Variants in HIP1R observed in about 807,000 individuals in gnomAD.
The protein encoded by HIP1R is huntingtin interacting protein 1 related, also known as huntingtin-interacting protein 1-related protein.
A neutral mutation model predicts 144.2 loss-of-function variants in HIP1R; 135 were observed. That is an observed-to-expected ratio of 0.94 (90% confidence interval 0.81 to 1.08). The LOEUF (loss-of-function observed/expected upper bound fraction) is 1.08, where lower values mean the gene tolerates loss of function less well. Ranked by LOEUF, HIP1R falls within the 50% of genes least tolerant of loss-of-function variation. The probability of loss-of-function intolerance (pLI) is 0.00; values close to 1 mark genes in which losing one functional copy is unlikely to be tolerated. For synonymous variants in HIP1R, 698 were observed against 612.8 expected, an observed-to-expected ratio of 1.14 and a Z score of -2.05; for missense variants, 1,462 against 1,432.8, an observed-to-expected ratio of 1.02 and a Z score of -0.33.
chr12:122,857,732 T>C (rs2033633410), intron 18 of HIP1R: 1 of 269,192 alleles, frequency 3.7e-6, no homozygotes, highest in Non-Finnish European at 7.0e-6. Flanking sequence ...CTCCACATCC[T>C]TGCCAATGCT....
In HIP1R at chr12:122,858,098, C is replaced by G; in HGVS notation, c.1816-4C>G. The G allele has an allele frequency of 6.4e-7, 1 of 1,572,144 alleles. No homozygotes were observed. Among genetic ancestry groups the G allele is most frequent in the Middle Eastern group, 1.7e-4 (1 of 5,846 alleles). On this transcript the variant is annotated splice_polypyrimidine_tract_variant and splice_region_variant and intron_variant, in intron 18 of 31. Transcript: ENST00000253083. ...TAACCTGTCCTCTTCACCCCCATTG[C>G]CAGGAGTCTCAGGAGCAGGGGCTGC... is the stretch of plus-strand genomic sequence containing the variant.
Position 122,854,091 on chromosome 12 carries a change from G to A in HIP1R, c.626G>A (p.Gly209Asp). The A allele has an allele frequency of 6.2e-7, 1 of 1,613,856 alleles. No homozygotes were observed. Residue 209 changes from glycine to aspartate, a missense_variant, in exon 8 of 32, where the codon GGC becomes GAC. Gly to Asp is a moderately conservative substitution (Grantham distance 94, BLOSUM62 -1). Coordinates refer to ENST00000253083, the MANE Select transcript of HIP1R (RefSeq NM_003959.3). The part of the protein sequence containing the change: ...TAIAVSQMSS[G>D]QCRLAPLIQV... ...ATCGCCGTATCCCAGATGTCCTCAG[G>A]CCAGTGCCGCCTGGCCCCCCTCATC...
intron 1 of HIP1R, 103 bp from the exon 2 acceptor site, chr12:122,847,928 A>T: frequency 9.1e-7 from 1 of 1,094,184 alleles, no homozygotes; most frequent in Non-Finnish European, 1.3e-6. Context: ...CTGGCCTTGA[A>T]CCCAGGCAGA....
In HIP1R at chr12:122,861,119, C is replaced by T. The variant is rs2033756914; in HGVS notation, c.2891-12C>T. 3.7e-6 allele frequency: 6 copies of T among 1,613,342 alleles called. No homozygotes were observed. The highest frequency in any genetic ancestry group is 3.3e-5 in the South Asian group (3 of 91,066). On this transcript the variant is annotated splice_polypyrimidine_tract_variant and intron_variant, in intron 29 of 31. Transcript: ENST00000253083. The stretch of plus-strand genomic sequence containing the variant: ...GTGCCCAGATGTTCACCCCCTTGTC[C>T]TCCGGCCACAGACACCATGGATTTC...
chr12:122,857,629 CCT>C (rs1463868042), intron 18 of HIP1R: 2 of 328,964 alleles, frequency 6.1e-6, no homozygotes, highest in Non-Finnish European at 1.1e-5. Context: ...CTGGGTCTCA[CCT>C]CTGTTACCCT....
chr12:122,854,060 A>C lies in HIP1R; in HGVS notation c.595A>C (p.Thr199Pro). ...TTGCACAGTTTTCCGACAGCTCAAC[A>C]CGGCCATCGCCGTATCCCAGATGTC... ...LSESVFRQLNTAIAVSQMSSG... is the reference protein window; with the variant it reads ...LSESVFRQLNPAIAVSQMSSG... The change falls in exon 8 of 32, where the codon ACG becomes CCG. Residue 199 changes from threonine (T) to proline (P), a missense_variant. Physicochemically the swap from Thr to Pro is conservative, Grantham distance 38. Around this residue, in one of 2 missense-constraint regions of HIP1R, gnomAD observed 350 missense variants for 421.1 expected, o/e 0.83. Transcript: ENST00000253083. 1 of 1,613,660 alleles carries C rather than the reference A, an allele frequency of 6.2e-7. No homozygotes were observed. The highest frequency in any genetic ancestry group is 1.1e-5 in the South Asian group (1 of 91,054).
chr12:122,858,560 C>G, intron 20 of HIP1R, 125 bp downstream of exon 20: 2 of 780,062 alleles, frequency 2.6e-6, no homozygotes, highest in South Asian at 3.6e-5. Flanking sequence ...AGCAGATGCC[C>G]CCTGCCTGCT....
At chr12:122,861,250 C>T in intron 30 of HIP1R, 58 bp downstream of exon 30, 1 of 1,613,238 alleles carries the variant, frequency 6.2e-7, no homozygotes, top group Non-Finnish European at 8.5e-7. Flanking sequence ...GAAGCCTGGA[C>T]CCAGGAGAGA....
rs375994180 is a variant in HIP1R, at chr12:122,860,742, C to T, written c.2724C>T (p.His908=). Residue 908 remains histidine (H), a synonymous_variant, in exon 28 of 32, where the codon CAC becomes CAT. Transcript: ENST00000253083. ...GKYEELIVCS[H]EIAASTAQLV... is the part of the protein sequence containing the mutation. Reference sequence around the variant, plus strand: ...ATGAGGAGCTCATCGTCTGCTCCCACGAGATCGCAGCCAGCACGGCCCAGC... The same window carrying T: ...ATGAGGAGCTCATCGTCTGCTCCCATGAGATCGCAGCCAGCACGGCCCAGC... The T allele has an allele frequency of 2.7e-5, 43 of 1,613,266 alleles. No individual in the cohort carries two copies. Among genetic ancestry groups the T allele is most frequent in the Non-Finnish European group, 3.1e-5 (37 of 1,179,970 alleles).
chr12:122,861,522 C>G lies in HIP1R; in HGVS notation c.3159+8C>G, dbSNP rs1415748264. 6.2e-7 allele frequency: 1 copy of G among 1,608,028 alleles called. No individual in the cohort carries two copies. Among genetic ancestry groups the G allele is most frequent in the Non-Finnish European group, 8.5e-7 (1 of 1,177,476 alleles). On this transcript the variant is annotated splice_region_variant and intron_variant, in intron 31 of 31. Coordinates refer to ENST00000253083, the MANE Select transcript of HIP1R (RefSeq NM_003959.3). The stretch of plus-strand genomic sequence containing the variant: ...CCCAGACAGGACCACCAGGTGCCGT[C>G]TGCACTGGGATGGGGGAGTTCCTGG...
Position 122,856,695 on chromosome 12 carries a change from G to A in HIP1R, c.1589G>A (p.Arg530His), listed in dbSNP as rs780494157. 1.3e-5 allele frequency: 21 copies of A among 1,589,206 alleles called. No homozygotes were observed. Among genetic ancestry groups the A allele is most frequent in the East Asian group, 1.1e-4 (5 of 43,990 alleles). Residue 530 changes from arginine to histidine, a missense_variant, in exon 17 of 32, where the codon CGC becomes CAC. Arg to His is a conservative substitution (Grantham distance 29). Coordinates refer to ENST00000253083, the MANE Select transcript of HIP1R (RefSeq NM_003959.3). Reference protein sequence around the residue: ...ELEAKAGELARAQEALSHTEQ... With the variant: ...ELEAKAGELAHAQEALSHTEQ... ...GAGGCCAAGGCCGGAGAGCTGGCCCGCGCGCAGGAGGCCCTGAGCCACACA... is the reference window on the plus strand; with the variant it reads ...GAGGCCAAGGCCGGAGAGCTGGCCCACGCGCAGGAGGCCCTGAGCCACACA...
chr12:122,856,108 G>A lies in HIP1R; in HGVS notation c.1257G>A (p.Leu419=). Residue 419 remains leucine (L), a synonymous_variant, in exon 14 of 32, where the codon CTG becomes CTA. Coordinates refer to ENST00000253083, the MANE Select transcript of HIP1R (RefSeq NM_003959.3). The part of the protein sequence containing the change: ...NEQLRHELAQ[L]RAAQLEGERS... ...AGCTCCGCCACGAGCTGGCCCAGCTGAGGGCTGCCCAGCTGGAGGGCGAGC... is the reference window on the plus strand; with the variant it reads ...AGCTCCGCCACGAGCTGGCCCAGCTAAGGGCTGCCCAGCTGGAGGGCGAGC... 6.3e-7 allele frequency: 1 copy of A among 1,588,270 alleles called. No homozygotes were observed. Among genetic ancestry groups the A allele is most frequent in the South Asian group, 1.1e-5 (1 of 88,068 alleles).
At chr12:122,855,685 T>C in intron 12 of HIP1R, 73 bp downstream of exon 12, 1 of 1,533,194 alleles carries the variant, frequency 6.5e-7, no homozygotes, top group South Asian at 1.2e-5. Context: ...TCTGGACAGT[T>C]CTGTCTGGAA....
In HIP1R at chr12:122,856,270, A is replaced by G. The variant is rs751985754; in HGVS notation, c.1327A>G (p.Thr443Ala). Residue 443 changes from threonine to alanine, a missense_variant, in exon 15 of 32, where the codon ACG becomes GCG. Around this residue, in one of 2 missense-constraint regions of HIP1R, gnomAD observed 1,112 missense variants for 1,011.7 expected, o/e 1.10. Coordinates refer to ENST00000253083, the MANE Select transcript of HIP1R (RefSeq NM_003959.3). ...REEAERKASA[T>A]EARYNKLKEK... is the part of the protein sequence containing the mutation. ...CTCGCCCCCAGGGAAGGCCAGTGCC[A>G]CGGAGGCGCGCTACAACAAGCTGAA... 2 of 1,613,684 alleles carry G rather than the reference A, an allele frequency of 1.2e-6. No homozygotes were observed. Among genetic ancestry groups the G allele is most frequent in the African/African-American group, 2.7e-5 (2 of 74,906 alleles).
Position 122,855,980 on chromosome 12 carries a change from G to T in HIP1R, c.1129G>T (p.Ala377Ser). The change falls in exon 14 of 32, where the codon GCC becomes TCC. Residue 377 changes from alanine to serine, a missense_variant and splice_region_variant. By Grantham distance (99) the Ala-to-Ser change is moderately conservative. Around this residue, in one of 2 missense-constraint regions of HIP1R, gnomAD observed 1,112 missense variants for 1,011.7 expected, o/e 1.10. Transcript: ENST00000253083. ...CCCCACGTCACACCTCCTCCCGCAGGCCCAGCGGTACATCGCGCAGCTGAA... is the reference window on the plus strand; with the variant it reads ...CCCCACGTCACACCTCCTCCCGCAGTCCCAGCGGTACATCGCGCAGCTGAA... ...RSELEKIKLE[A>S]QRYIAQLKSQ... 1.3e-6 allele frequency: 2 copies of T among 1,584,834 alleles called. No homozygotes were observed. The highest frequency in any genetic ancestry group is 2.7e-5 in the African/African-American group (2 of 74,500).
intron 1 of HIP1R, among the ~76,000 whole-genome samples, chr12:122,835,889 G>A (rs1480149259): frequency 6.6e-6 from 1 of 150,794 alleles, no homozygotes; most frequent in Admixed American, 6.6e-5. Flanking sequence ...GCTCCCGCCG[G>A]GCGCTCGGGC....
chr12:122,835,382 C>CG (rs1197119516), upstream of HIP1R: 16 of 940,370 alleles, frequency 1.7e-5, no homozygotes, highest in East Asian at 6.3e-4. Context: ...TGGAGGTGTG[C>CG]GGGGGAGGGG....
Position 122,835,541 on chromosome 12 carries a change from C to T in HIP1R, c.-10C>T, listed in dbSNP as rs1277469313. The T allele has an allele frequency of 2.2e-6, 3 of 1,335,122 alleles. No individual in the cohort carries two copies. The highest frequency in any genetic ancestry group is 2.9e-6 in the Non-Finnish European group (3 of 1,035,312). 82.7% of individuals were successfully genotyped at this position (1,335,122 alleles called of 1,614,324 possible). On this transcript the variant is annotated 5_prime_UTR_variant, in exon 1 of 32. Coordinates refer to ENST00000253083, the MANE Select transcript of HIP1R (RefSeq NM_003959.3). ...GACGGAGCCGGACAAAAGCGGGCGG[C>T]GGCGGCAGGATGAACAGCATCAAGA...
chr12:122,859,337 G>T (rs200327722), intron 22 of HIP1R, 89 bp from the exon 23 acceptor site: 1 of 1,467,718 alleles, frequency 6.8e-7, no homozygotes. Flanking sequence ...CACCCTCCTC[G>T]ATCCCTGTGG....
Sources: allele counts gnomAD v4.1 joint callset (sites outside exome capture counted in the v4.1 genomes callset), GRCh38; gene constraint gnomAD v4.1.1; regional missense constraint gnomAD v4.1.1; transcripts MANE v1.5; gene names NCBI Gene and HGNC (gene_info 2026-07-23, HGNC 2026-07-21).